The following NR6A1 variants were observed in gnomAD, a reference collection of about 807,000 sequenced individuals.
NR6A1 encodes the protein nuclear receptor subfamily 6 group A member 1.
Under a neutral mutation model 59.1 loss-of-function variants are expected in NR6A1, and 7 were observed. That is an observed-to-expected ratio of 0.12 (90% CI 0.07 to 0.22). The LOEUF (loss-of-function observed/expected upper bound fraction) is 0.22. Ranked by LOEUF, NR6A1 falls within the 10% of genes least tolerant of loss-of-function variation. NR6A1 has a pLI of 1.00. For synonymous variants in NR6A1, 243 were observed against 236.1 expected, an observed-to-expected ratio of 1.03 and a Z score of -0.27; for missense variants, 468 against 611.6, an observed-to-expected ratio of 0.77 and a Z score of 2.48.
Position 124,623,361 on chromosome 9 carries a change from A to ATTAT in NR6A1, c.143-68795_143-68792dup, listed in dbSNP as rs138959413. On this transcript the variant is annotated intron_variant, in intron 2 of 9. Transcript: ENST00000487099. The stretch of plus-strand genomic sequence containing the variant: ...TCTCATGAGTCCAATTATTATTATT[A>ATTAT]TTATTTATTTATTTATTTGAGACAA... 0.018 allele frequency among the ~76,000 whole-genome samples: 2,680 copies of ATTAT among 151,484 alleles called. 106 individuals carry two copies. In the East Asian group the frequency reaches 0.18, roughly 10 times the overall value.
rs141060014 is a variant in NR6A1 at position 124,535,332 on chromosome 9, C to T, written c.1079+546G>A. Among the ~76,000 whole-genome samples the T allele has an allele frequency of 8.5e-5, 13 of 152,280 alleles. No homozygotes were observed. The East Asian group carries it at 2.5e-3, about 29-fold the overall frequency. ...GTGGCTCACACCTGTAATCCCAGCA[C>T]TTTGAGAGGCTGAGACGGGTAGATC... On this transcript the variant is annotated intron_variant, in intron 7 of 9. Transcript: ENST00000487099.
intron 2 of NR6A1, among the ~76,000 whole-genome samples, chr9:124,571,308 G>A (rs1049498304): frequency 2.6e-5 from 4 of 152,184 alleles, no homozygotes; most frequent in Non-Finnish European, 4.4e-5. Context: ...ACACAAACAT[G>A]CAATTCTGGA....
chr9:124,526,720 A>G, intron 8 of NR6A1, 59 bp downstream of exon 8: 1 of 1,601,572 alleles, frequency 6.2e-7, no homozygotes, highest in Non-Finnish European at 8.5e-7. Flanking sequence ...CAGGAGGGCA[A>G]ATGCTCACTG....
At chr9:124,549,356 G>A (rs1833700025) in intron 3 of NR6A1, among the ~76,000 whole-genome samples, 1 of 152,218 alleles carries the variant, frequency 6.6e-6, no homozygotes, top group South Asian at 2.1e-4. Context: ...AATGGAGAAG[G>A]AAAGGGATCA....
chr9:124,534,832 TAAA>T (rs1833207844), intron 7 of NR6A1, among the ~76,000 whole-genome samples: 1 of 152,206 alleles, frequency 6.6e-6, no homozygotes, highest in Admixed American at 6.5e-5. Context: ...AGAAGACAAT[TAAA>T]AATATCTAGT....
At chr9:124,732,862 G>C (rs1588838307) in intron 2 of NR6A1, among the ~76,000 whole-genome samples, 1 of 151,710 alleles carries the variant, frequency 6.6e-6, no homozygotes, top group African/African-American at 2.4e-5. Flanking sequence ...ACGCCCGGCT[G>C]ATTTTTGTAT....
At chr9:124,548,595 G>T (rs1833676871) in intron 3 of NR6A1, among the ~76,000 whole-genome samples, 1 of 152,150 alleles carries the variant, frequency 6.6e-6, no homozygotes, top group African/African-American at 2.4e-5. Context: ...CTGCTCAAAT[G>T]TTATCCCTCC....
intron 2 of NR6A1, among the ~76,000 whole-genome samples, chr9:124,569,802 C>T (rs1304640677): frequency 6.6e-6 from 1 of 152,140 alleles, no homozygotes; most frequent in African/African-American, 2.4e-5. Context: ...ATTTACATAC[C>T]ATGTCCATTC....
intron 2 of NR6A1, among the ~76,000 whole-genome samples, chr9:124,627,123 A>G (rs1160972346): frequency 6.6e-6 from 1 of 152,192 alleles, no homozygotes; most frequent in South Asian, 2.1e-4. Context: ...TGTTTCACAT[A>G]TATTGTTTCA....
chr9:124,594,333 G>GGA (rs762568236), intron 2 of NR6A1, among the ~76,000 whole-genome samples: 2 of 152,136 alleles, frequency 1.3e-5, no homozygotes, highest in African/African-American at 2.4e-5. Context: ...ATGAACCAGG[G>GGA]GAGAACTTTC....
chr9:124,676,990 C>T (rs1588771930), intron 2 of NR6A1, among the ~76,000 whole-genome samples: 4 of 152,248 alleles, frequency 2.6e-5, no homozygotes, highest in Admixed American at 1.3e-4. Flanking sequence ...ATCAAAACTG[C>T]GTTTGTCCCT....
chr9:124,579,594 A>T (rs186813336), intron 2 of NR6A1, among the ~76,000 whole-genome samples: 24 of 149,896 alleles, frequency 1.6e-4, no homozygotes, highest in East Asian at 7.8e-4. Context: ...GGCTAAAATT[A>T]AAAAAAAAAT....
rs543586059 is a variant in NR6A1 at position 124,605,792 on chromosome 9, A to G, written c.143-51222T>C. ...GCTGGGTACATGGCCTCATTATACT[A>G]CTTTGTATTTCTATTTTTGTTTTAT... On this transcript the variant is annotated intron_variant, in intron 2 of 9. Transcript: ENST00000487099. Among the ~76,000 whole-genome samples the G allele has an allele frequency of 1.9e-4, 29 of 152,282 alleles. 1 individual carries two copies. In the South Asian group the frequency reaches 6.0e-3, roughly 32 times the overall value.
chr9:124,620,573 G>A (rs1836040271), intron 2 of NR6A1, among the ~76,000 whole-genome samples: 1 of 152,192 alleles, frequency 6.6e-6, no homozygotes, highest in African/African-American at 2.4e-5. Flanking sequence ...GCAAGACACA[G>A]ATAATACATA....
chr9:124,540,928 C>A (rs1833423584), intron 4 of NR6A1, among the ~76,000 whole-genome samples: 3 of 152,096 alleles, frequency 2.0e-5, no homozygotes, highest in Admixed American at 2.0e-4. Context: ...ACATGCCCCG[C>A]CCCCAGCCCC....
At chr9:124,537,362 C>G (rs1833299979) in intron 6 of NR6A1, among the ~76,000 whole-genome samples, 1 of 152,208 alleles carries the variant, frequency 6.6e-6, no homozygotes, top group South Asian at 2.1e-4. Context: ...GCTGGGATTA[C>G]AGGCATGAGC....
In NR6A1 at chr9:124,519,810, G is replaced by A. The variant is rs980569600; in HGVS notation, c.*2895C>T. On this transcript the variant is annotated 3_prime_UTR_variant, in exon 10 of 10. Coordinates refer to ENST00000487099, the MANE Select transcript of NR6A1 (RefSeq NM_033334.4). ...CCAGCTACTCAGGAGGCTGAGGCAG[G>A]AGAATGGCATGAACCCGGGAGGCGG... 2 of 148,274 alleles carry A rather than the reference G, an allele frequency of 1.3e-5. No homozygotes were observed. The highest frequency in any genetic ancestry group is 3.0e-5 in the Non-Finnish European group (2 of 67,726). The allele number at this position is 148,274 out of a possible 1,614,324, so 9.2% of individuals were successfully genotyped here.
chr9:124,605,516 T>C (rs1293928036), intron 2 of NR6A1, among the ~76,000 whole-genome samples: 1 of 151,924 alleles, frequency 6.6e-6, no homozygotes, highest in Non-Finnish European at 1.5e-5. Context: ...AGAGTCTGTC[T>C]CTTAAAAACA....
chr9:124,747,324 A>G (rs752296279), intron 1 of NR6A1, among the ~76,000 whole-genome samples: 8 of 151,818 alleles, frequency 5.3e-5, no homozygotes, highest in Non-Finnish European at 8.8e-5. Flanking sequence ...CCTCTCGAGT[A>G]GCTGGGACTA....
Sources: gnomAD v4.1 joint callset for allele counts (sites outside exome capture counted in the v4.1 genomes callset) on GRCh38, gnomAD v4.1.1 for gene constraint, MANE v1.5 for transcripts, NCBI Gene and HGNC (gene_info 2026-07-23, HGNC 2026-07-21) for gene names.